The following LARS2 variants were observed in gnomAD, a reference collection of about 807,000 sequenced individuals.
The protein encoded by LARS2 is leucine--tRNA ligase, mitochondrial.
In LARS2, 81 loss-of-function variants were observed where a neutral mutation model predicts 116.6. That is an observed-to-expected ratio of 0.69 (90% CI 0.58 to 0.84). The LOEUF (loss-of-function observed/expected upper bound fraction) is 0.84, where lower values mean the gene tolerates loss of function less well. Among genes scored for constraint, LARS2 ranks in the 40% least tolerant of loss-of-function variants. The probability of loss-of-function intolerance (pLI) is 0.00; values close to 1 mark genes in which losing one functional copy is unlikely to be tolerated. For missense variants in LARS2, 968 were observed against 1,114.5 expected (o/e 0.87, Z 1.87); for synonymous variants, 396 against 407.2 (o/e 0.97, Z 0.33).
chr3:45,519,367 T>A (rs1234186158), intron 18 of LARS2, among the ~76,000 whole-genome samples: 1 of 150,846 alleles, frequency 6.6e-6, no homozygotes, highest in Non-Finnish European at 1.5e-5. Context: ...GGCACGCGCC[T>A]GTAATCCCAG....
chr3:45,515,086 A>G lies in LARS2; in HGVS notation c.1862-1008A>G, dbSNP rs528793701. Among the ~76,000 whole-genome samples, 4 of 152,318 alleles carry G rather than the reference A, an allele frequency of 2.6e-5. No individual in the cohort carries two copies. The South Asian group carries it at 8.3e-4, about 32-fold the overall frequency. On this transcript the variant is annotated intron_variant, in intron 16 of 21. Coordinates refer to ENST00000645846, the MANE Select transcript of LARS2 (RefSeq NM_015340.4). ...TTGGTTGCTGTTGGAATCAGAGATTATTTGGCTGGAAGGAAAAGAAATCCA... is the reference window on the plus strand; with the variant it reads ...TTGGTTGCTGTTGGAATCAGAGATTGTTTGGCTGGAAGGAAAAGAAATCCA...
At chr3:45,453,016 T>C (rs1699158635) in intron 7 of LARS2, among the ~76,000 whole-genome samples, 1 of 152,180 alleles carries the variant, frequency 6.6e-6, no homozygotes, top group African/African-American at 2.4e-5. Flanking sequence ...GTTTTAATGT[T>C]TCTTTTTCTG....
intron 4 of LARS2, among the ~76,000 whole-genome samples, chr3:45,415,872 T>C (rs1361914571): frequency 9.0e-6 from 1 of 111,342 alleles, no homozygotes. Flanking sequence ...TATATATATA[T>C]ATATAGAGAG....
chr3:45,474,791 T>G (rs1045068603), intron 9 of LARS2, among the ~76,000 whole-genome samples: 5 of 152,178 alleles, frequency 3.3e-5, no homozygotes, highest in African/African-American at 4.8e-5. Context: ...GCAAAATGTT[T>G]GGGCATTTTC....
At chr3:45,521,682 G>T (rs1278916192) in intron 19 of LARS2, among the ~76,000 whole-genome samples, 5 of 151,978 alleles carry the variant, frequency 3.3e-5, no homozygotes, top group Non-Finnish European at 7.4e-5. Context: ...TATAGAAATA[G>T]CCAATACATT....
intron 1 of LARS2, chr3:45,388,900 A>C (rs1414482422): frequency 6.6e-6 from 1 of 152,202 alleles, no homozygotes; most frequent in Non-Finnish European, 1.5e-5. Flanking sequence ...TCTTTCCCAG[A>C]AAAATGCACA....
intron 21 of LARS2, among the ~76,000 whole-genome samples, chr3:45,542,529 A>G (rs772765789): frequency 9.2e-5 from 14 of 152,248 alleles, no homozygotes; most frequent in African/African-American, 1.7e-4. Context: ...TAAATGAGAC[A>G]CATTTATGGT....
intron 7 of LARS2, among the ~76,000 whole-genome samples, chr3:45,457,158 C>T (rs759500988): frequency 6.6e-6 from 1 of 152,220 alleles, no homozygotes; most frequent in Admixed American, 6.5e-5. Flanking sequence ...CACGGGAGAC[C>T]TGCCCAACAG....
At chr3:45,438,524 G>A (rs2125699180) in intron 6 of LARS2, among the ~76,000 whole-genome samples, 1 of 152,166 alleles carries the variant, frequency 6.6e-6, no homozygotes, top group East Asian at 1.9e-4. Flanking sequence ...AATGTATAAA[G>A]ATGAGAGGAT....
intron 2 of LARS2, 54 bp from the exon 3 acceptor site, chr3:45,394,379 G>C: frequency 1.0e-6 from 1 of 963,400 alleles, no homozygotes. Context: ...GGAAAGATAA[G>C]CTCTGGGGAG....
intron 21 of LARS2, among the ~76,000 whole-genome samples, chr3:45,543,450 ATT>A (rs1186073698): frequency 7.0e-6 from 1 of 142,542 alleles, no homozygotes; most frequent in Admixed American, 7.0e-5. Flanking sequence ...CCAACCCAGA[ATT>A]TTTTTTTTTT....
At chr3:45,490,129 C>G (rs1699889013) in intron 12 of LARS2, among the ~76,000 whole-genome samples, 1 of 152,210 alleles carries the variant, frequency 6.6e-6, no homozygotes, top group African/African-American at 2.4e-5. Flanking sequence ...CATCCCCAGA[C>G]ATGAGTCATG....
At position 45,547,593 on chromosome 3, in the gene LARS2, G is replaced by A. The variant is rs890139239; in HGVS notation, c.*63G>A. ...GAACCTCCTTCCAGGCCTGGGATGA[G>A]GGGGCGATGTCTGCTGGCCCAGGGG... On this transcript the variant is annotated 3_prime_UTR_variant, in exon 22 of 22. Transcript: ENST00000645846. 7.0e-7 allele frequency: 1 copy of A among 1,434,308 alleles called. No individual in the cohort carries two copies. Among genetic ancestry groups the A allele is most frequent in the African/African-American group, 1.4e-5 (1 of 69,924 alleles). The allele number at this position is 1,434,308 out of a possible 1,614,324, so 88.8% of individuals were successfully genotyped here.
chr3:45,394,055 C>G (rs1276107470), intron 2 of LARS2, among the ~76,000 whole-genome samples: 1 of 152,204 alleles, frequency 6.6e-6, no homozygotes, highest in Non-Finnish European at 1.5e-5. Context: ...TGTGCTTGAG[C>G]TCTTCTGAGG....
At chr3:45,446,074 CT>C (rs1169362593) in intron 6 of LARS2, among the ~76,000 whole-genome samples, 1 of 152,112 alleles carries the variant, frequency 6.6e-6, no homozygotes, top group Non-Finnish European at 1.5e-5. Context: ...ACTTCTGTCT[CT>C]TAAAAATAAA....
intron 20 of LARS2, among the ~76,000 whole-genome samples, chr3:45,530,525 A>C (rs1011128328): frequency 4.6e-5 from 7 of 152,206 alleles, no homozygotes; most frequent in African/African-American, 7.2e-5. Flanking sequence ...TCTCAAAAAA[A>C]AAACTGCATT....
intron 13 of LARS2, chr3:45,495,420 G>A (rs1309836797): frequency 6.6e-6 from 1 of 152,202 alleles, no homozygotes; most frequent in African/African-American, 2.4e-5. Context: ...CTTACAGGCT[G>A]GCATGAGCTG....
chr3:45,401,868 A>G (rs897983687), intron 4 of LARS2, among the ~76,000 whole-genome samples: 1 of 152,116 alleles, frequency 6.6e-6, no homozygotes, highest in Admixed American at 6.6e-5. Context: ...CACCCACCTC[A>G]GCCTCCCAAG....
intron 9 of LARS2, among the ~76,000 whole-genome samples, chr3:45,475,729 AC>A (rs1699598638): frequency 1.3e-5 from 2 of 152,370 alleles, no homozygotes; most frequent in East Asian, 3.9e-4. Context: ...TACAGGGTAG[AC>A]CACATCTATG....
Sources: gnomAD v4.1 joint callset for allele counts (sites outside exome capture counted in the v4.1 genomes callset) on GRCh38, gnomAD v4.1.1 for gene constraint, MANE v1.5 for transcripts, NCBI Gene and HGNC (gene_info 2026-07-23, HGNC 2026-07-21) for gene names.